AMMECR1: variants seen among roughly 807,000 people sequenced by gnomAD.
AMMECR1 encodes AMMECR nuclear protein 1.
A neutral mutation model predicts 22.5 loss-of-function variants in AMMECR1; 3 were observed. The ratio of observed to expected loss-of-function variants is 0.13; its 90% CI spans 0.06 to 0.35. The LOEUF (loss-of-function observed/expected upper bound fraction) is 0.35, where lower values mean the gene tolerates loss of function less well. AMMECR1 is among the 10% of genes least tolerant of loss of function. The pLI, the probability that AMMECR1 is intolerant of heterozygous loss-of-function variation, is 1.00. For synonymous variants in AMMECR1, 130 were observed against 116.7 expected (o/e 1.11, Z -0.74); for missense variants, 235 against 278.7 (o/e 0.84, Z 1.12).
intron 2 of AMMECR1, among the ~76,000 whole-genome samples, chrX:110,420,459 G>A (rs1021646927): frequency 8.9e-6 from 1 of 112,210 alleles, no homozygotes; most frequent in African/African-American, 3.2e-5. Flanking sequence ...TGCAAGAGGT[G>A]CCTCTCACCA....
At position 110,336,449 on chromosome X, in the gene AMMECR1, C is replaced by T. The variant is rs753694419; in HGVS notation, c.-147-18600G>A. Among the ~76,000 whole-genome samples, 114 of 110,407 alleles carry T rather than the reference C, an allele frequency of 1.0e-3. 1 individual carries two copies. The highest frequency in any genetic ancestry group is 3.0e-3 in the African/African-American group (92 of 30,318). On this transcript the variant is annotated intron_variant, in intron 2 of 7. Coordinates refer to the AMMECR1 transcript ENST00000372057. Reference sequence around the variant, plus strand: ...CTGTAATCCCAGCAGTTTGGGAGGCCGAGGTGAGTGGATCATCTGAGATCA... The same window carrying T: ...CTGTAATCCCAGCAGTTTGGGAGGCTGAGGTGAGTGGATCATCTGAGATCA...
At chrX:110,210,533 G>C (rs912181697) in intron 3 of AMMECR1, among the ~76,000 whole-genome samples, 1 of 111,597 alleles carries the variant, frequency 9.0e-6, no homozygotes, top group African/African-American at 3.3e-5. Context: ...GTATGAATGG[G>C]AACTCTGTTT....
intron 2 of AMMECR1, among the ~76,000 whole-genome samples, chrX:110,392,849 A>C (rs1215973346): frequency 8.9e-6 from 1 of 112,262 alleles, no homozygotes; most frequent in Non-Finnish European, 1.9e-5. Context: ...AAGGCAGGGA[A>C]GCATTAAAGA....
intron 2 of AMMECR1, among the ~76,000 whole-genome samples, chrX:110,217,095 T>C (rs1159183661): frequency 9.2e-6 from 1 of 108,985 alleles, no homozygotes; most frequent in African/African-American, 3.3e-5. Context: ...CATACACATA[T>C]ATACAATATT....
At chrX:110,323,770 T>G (rs2068087633) in intron 2 of AMMECR1, among the ~76,000 whole-genome samples, 1 of 111,886 alleles carries the variant, frequency 8.9e-6, no homozygotes, top group Non-Finnish European at 1.9e-5. Flanking sequence ...TTCATTTCAT[T>G]TCTCTCATTT....
intron 2 of AMMECR1, among the ~76,000 whole-genome samples, chrX:110,332,416 TG>T (rs1207594152): frequency 3.6e-5 from 4 of 111,772 alleles, no homozygotes; most frequent in African/African-American, 1.3e-4. Context: ...GCATTGTGTG[TG>T]TTCAATAAAT....
intron 2 of AMMECR1, among the ~76,000 whole-genome samples, chrX:110,244,401 T>G: frequency 9.0e-6 from 1 of 111,664 alleles, no homozygotes; most frequent in Non-Finnish European, 1.9e-5. Context: ...TCCTTACATT[T>G]GGCTCAGGAA....
intron 1 of AMMECR1, among the ~76,000 whole-genome samples, chrX:110,305,997 T>C (rs1314891756): frequency 1.0e-5 from 1 of 97,794 alleles, no homozygotes; most frequent in East Asian, 3.2e-4. Context: ...AAGTAAAAAA[T>C]TGGGCGAGGC....
chrX:110,254,537 T>A (rs1356934115), intron 2 of AMMECR1, among the ~76,000 whole-genome samples: 1 of 111,326 alleles, frequency 9.0e-6, no homozygotes, highest in African/African-American at 3.3e-5. Flanking sequence ...TTTTTTAAGG[T>A]GAAAGTTTGA....
intron 2 of AMMECR1, among the ~76,000 whole-genome samples, chrX:110,386,945 A>G (rs1301286361): frequency 8.9e-6 from 1 of 112,458 alleles, no homozygotes; most frequent in Non-Finnish European, 1.9e-5. Context: ...ACCACAACAG[A>G]AAAGATGCCA....
At chrX:110,254,014 T>C (rs940917298) in intron 2 of AMMECR1, among the ~76,000 whole-genome samples, 2 of 111,502 alleles carry the variant, frequency 1.8e-5, no homozygotes, top group Non-Finnish European at 3.8e-5. Context: ...GTATGATTAA[T>C]GCTCTGTGCC....
intron 2 of AMMECR1, among the ~76,000 whole-genome samples, chrX:110,222,611 T>A (rs1358372542): frequency 2.3e-5 from 2 of 85,117 alleles, no homozygotes; most frequent in Admixed American, 1.3e-4. Context: ...AACCATATTA[T>A]CCAATTCTGG....
intron 2 of AMMECR1, among the ~76,000 whole-genome samples, chrX:110,368,055 G>GGTCT (rs1252569359): frequency 9.4e-6 from 1 of 106,201 alleles, no homozygotes; most frequent in African/African-American, 3.4e-5. Flanking sequence ...TGCCCAGGCT[G>GGTCT]GTCTTGAACT....
chrX:110,386,205 A>C (rs1313598559), intron 2 of AMMECR1, among the ~76,000 whole-genome samples: 1 of 111,099 alleles, frequency 9.0e-6, no homozygotes, highest in Middle Eastern at 4.3e-3. Context: ...AGGAACCACC[A>C]AACTATTTTC....
intron 1 of AMMECR1, among the ~76,000 whole-genome samples, chrX:110,283,565 A>T (rs1389505871): frequency 8.9e-6 from 1 of 111,860 alleles, no homozygotes; most frequent in Non-Finnish European, 1.9e-5. Flanking sequence ...ATAAACAACA[A>T]CATCTTGCTG....
At chrX:110,260,829 G>T (rs948231623) in intron 2 of AMMECR1, among the ~76,000 whole-genome samples, 2 of 112,076 alleles carry the variant, frequency 1.8e-5, no homozygotes, top group African/African-American at 6.5e-5. Flanking sequence ...ACAGAATGTG[G>T]TATATACATA....
chrX:110,348,621 T>C (rs1274376411), intron 2 of AMMECR1, among the ~76,000 whole-genome samples: 1 of 112,393 alleles, frequency 8.9e-6, no homozygotes, highest in Non-Finnish European at 1.9e-5. Context: ...TGTATTGCTA[T>C]TAAGAAGAAT....
At chrX:110,312,468 C>T (rs748157236) in intron 1 of AMMECR1, among the ~76,000 whole-genome samples, 25 of 112,091 alleles carry the variant, frequency 2.2e-4, no homozygotes, top group Non-Finnish European at 3.8e-4. Context: ...GGCTGCCACC[C>T]GCTAACTGAA....
chrX:110,354,206 C>G (rs1304786660), intron 2 of AMMECR1, among the ~76,000 whole-genome samples: 1 of 111,497 alleles, frequency 9.0e-6, no homozygotes, highest in East Asian at 2.8e-4. Context: ...ATGGCCGAAG[C>G]AACTTTGAGT....
Sources: allele counts gnomAD v4.1 joint callset (sites outside exome capture counted in the v4.1 genomes callset), GRCh38; gene constraint gnomAD v4.1.1; transcripts MANE v1.5; gene names NCBI Gene and HGNC (gene_info 2026-07-23, HGNC 2026-07-21).